ERCC6L2: variants seen among roughly 807,000 people sequenced by gnomAD.
The protein encoded by ERCC6L2 is ERCC excision repair 6 like 2.
ERCC6L2 carries 77 observed loss-of-function variants against 132.0 expected under a neutral mutation model. The ratio of observed to expected loss-of-function variants is 0.58; its 90% CI spans 0.49 to 0.71. ERCC6L2 has a LOEUF of 0.71. Ranked by LOEUF, ERCC6L2 falls within the 30% of genes least tolerant of loss-of-function variation. The probability of loss-of-function intolerance (pLI) is 0.00; values close to 1 mark genes in which losing one functional copy is unlikely to be tolerated. For missense variants in ERCC6L2, 1,542 were observed against 1,837.6 expected (o/e 0.84, Z 2.94); for synonymous variants, 583 against 632.4 (o/e 0.92, Z 1.17).
chr9:96,022,845 TCTGCTTTCCTGGAG>T (rs549900235), downstream of ERCC6L2, among the ~76,000 whole-genome samples: 35 of 152,314 alleles, frequency 2.3e-4, no homozygotes, highest in East Asian at 6.6e-3. Flanking sequence ...CACAGCCGCC[TCTGCTTTCCTGGAG>T]ATACCGCAGG....
downstream of ERCC6L2, chr9:96,021,466 T>C (rs1834288322): frequency 5.2e-6 from 1 of 191,796 alleles, no homozygotes; most frequent in African/African-American, 2.4e-5. This position sits in a 1 kb window ranked among gnomAD's most constrained non-coding sequence, Gnocchi z 4.7. Context: ...CTCTGCGGGG[T>C]CCGCCCCTCG....
chr9:95,902,462 A>C (rs192489286), intron 3 of ERCC6L2, among the ~76,000 whole-genome samples: 2 of 152,174 alleles, frequency 1.3e-5, no homozygotes, highest in African/African-American at 2.4e-5. Flanking sequence ...TAATTATTTT[A>C]TTTACTATAC....
chr9:95,969,314 A>G (rs180694008), intron 14 of ERCC6L2, among the ~76,000 whole-genome samples: 7 of 152,326 alleles, frequency 4.6e-5, no homozygotes, highest in Admixed American at 2.0e-4. Context: ...TGAAAACTAG[A>G]CTATAGAAGT....
At chr9:95,933,722 T>A (rs965721959) in intron 11 of ERCC6L2, among the ~76,000 whole-genome samples, 21 of 151,922 alleles carry the variant, frequency 1.4e-4, no homozygotes, top group African/African-American at 5.1e-4. Flanking sequence ...TTCATGCCTG[T>A]AGTCCCAGCT....
chr9:95,984,613 T>C (rs905868207), intron 17 of ERCC6L2, among the ~76,000 whole-genome samples: 3 of 152,172 alleles, frequency 2.0e-5, no homozygotes, highest in Non-Finnish European at 4.4e-5. Context: ...AGTATGACTT[T>C]CAAATTTTTT....
intron 12 of ERCC6L2, among the ~76,000 whole-genome samples, chr9:95,947,993 ACATC>A (rs1230125601): frequency 1.3e-5 from 2 of 152,250 alleles, no homozygotes; most frequent in Non-Finnish European, 2.9e-5. Flanking sequence ...CAGTAACACA[ACATC>A]CATTCTGTAG....
chr9:95,975,719 T>G (rs148157585), intron 16 of ERCC6L2, among the ~76,000 whole-genome samples: 1 of 152,062 alleles, frequency 6.6e-6, no homozygotes, highest in Non-Finnish European at 1.5e-5. Context: ...ATGTTCAGTC[T>G]TCTTTGCCTA....
rs573781705 is a variant in ERCC6L2 at position 95,940,782 on chromosome 9, G to A, written c.1752-672G>A. 3.3e-5 allele frequency among the ~76,000 whole-genome samples: 5 copies of A among 152,108 alleles called. No individual in the cohort carries two copies. The East Asian group carries it at 7.7e-4, about 24-fold the overall frequency. On this transcript the variant is annotated intron_variant, in intron 11 of 18. Transcript: ENST00000653738. ...GTTCTGTGTATGTCATTTAAATCCT[G>A]TTGGTTGGTCAGTTTGTTCTTTTAT...
At chr9:96,027,223 C>G (rs1276317173) in intron 19 of ERCC6L2, among the ~76,000 whole-genome samples, 1 of 152,138 alleles carries the variant, frequency 6.6e-6, no homozygotes, top group African/African-American at 2.4e-5. Context: ...ACCCCCGCCT[C>G]CAACACCCAC....
intron 15 of ERCC6L2, 60 bp from the exon 16 acceptor site, chr9:95,971,873 A>G: frequency 8.9e-7 from 1 of 1,127,514 alleles, no homozygotes; most frequent in Non-Finnish European, 1.1e-6. Flanking sequence ...AGTACTTTTC[A>G]GTTGATTCCA....
chr9:96,029,205 A>G (rs1017429334), intron 19 of ERCC6L2, among the ~76,000 whole-genome samples: 20 of 150,662 alleles, frequency 1.3e-4, no homozygotes, highest in East Asian at 2.0e-4. Flanking sequence ...TCGGGAGGCT[A>G]AGGTAGGAGA....
intron 6 of ERCC6L2, among the ~76,000 whole-genome samples, chr9:95,919,452 C>G (rs1375325693): frequency 6.6e-6 from 1 of 152,144 alleles, no homozygotes; most frequent in Non-Finnish European, 1.5e-5. Flanking sequence ...TGTGGCCACC[C>G]AGAACCCCAT....
chr9:96,035,336 C>T (rs184315800), intron 19 of ERCC6L2, among the ~76,000 whole-genome samples: 20 of 152,292 alleles, frequency 1.3e-4, no homozygotes, highest in Non-Finnish European at 1.3e-4. Flanking sequence ...GTGCCTCTTC[C>T]GAGCCCGCCC....
downstream of ERCC6L2, chr9:96,020,234 C>T (rs578188103): frequency 6.2e-6 from 1 of 160,862 alleles, no homozygotes; most frequent in African/African-American, 2.4e-5. Context: ...AGGAAACCAC[C>T]TCCATGATTC....
At chr9:95,934,776 A>G (rs1276104254) in intron 11 of ERCC6L2, among the ~76,000 whole-genome samples, 1 of 152,180 alleles carries the variant, frequency 6.6e-6, no homozygotes, top group Non-Finnish European at 1.5e-5. Context: ...AATTTTCCAG[A>G]TGATATAAGT....
rs1232165854 is a variant in ERCC6L2 at position 96,030,349 on chromosome 9, A to C, written c.*1504-8527A>C. On this transcript the variant is annotated intron_variant and NMD_transcript_variant, in intron 19 of 20. Transcript: ENST00000670016. Reference sequence around the variant, plus strand: ...CTCGGGTTCCCTTCCATGCTGTGGAAGCTTTGTTCTTTCACTCTTCACAAT... The same window carrying C: ...CTCGGGTTCCCTTCCATGCTGTGGACGCTTTGTTCTTTCACTCTTCACAAT... Among the ~76,000 whole-genome samples, 3 of 152,104 alleles carry C rather than the reference A, an allele frequency of 2.0e-5. No homozygotes were observed. In the East Asian group the frequency reaches 5.8e-4, roughly 29 times the overall value.
At chr9:96,005,906 T>A (rs1219654678) in intron 18 of ERCC6L2, among the ~76,000 whole-genome samples, 2 of 152,114 alleles carry the variant, frequency 1.3e-5, no homozygotes, top group Non-Finnish European at 2.9e-5. Context: ...GTAGATGAAT[T>A]CAATTTGGTG....
intron 4 of ERCC6L2, among the ~76,000 whole-genome samples, chr9:95,911,146 C>T (rs1246447729): frequency 3.3e-5 from 5 of 152,288 alleles, no homozygotes; most frequent in East Asian, 3.9e-4. Context: ...CCTCCCACCT[C>T]GGCCTCCCAA....
intron 12 of ERCC6L2, among the ~76,000 whole-genome samples, chr9:95,953,734 A>T (rs914805361): frequency 6.6e-6 from 1 of 152,106 alleles, no homozygotes; most frequent in Non-Finnish European, 1.5e-5. Flanking sequence ...AATTATACAC[A>T]TTATTACATT....
Sources: gnomAD v4.1 joint callset for allele counts (sites outside exome capture counted in the v4.1 genomes callset) on GRCh38, gnomAD v4.1.1 for gene constraint, Gnocchi (gnomAD v3.1) non-coding constraint, MANE v1.5 for transcripts, NCBI Gene and HGNC (gene_info 2026-07-23, HGNC 2026-07-21) for gene names.